The following TBC1D19 variants were observed in gnomAD, a reference collection of about 807,000 sequenced individuals.
The protein encoded by TBC1D19 is TBC1 domain family member 19, also known as TBC1 domain family, member 19.
In TBC1D19, 60 loss-of-function variants were observed where a neutral mutation model predicts 89.0. The observed-to-expected ratio is 0.67, with a 90% CI of 0.55 to 0.84. TBC1D19 has a LOEUF of 0.84. Ranked by LOEUF, TBC1D19 falls within the 40% of genes least tolerant of loss-of-function variation. The pLI, the probability that TBC1D19 is intolerant of heterozygous loss-of-function variation, is 0.00. For missense variants in TBC1D19, 500 were observed against 610.8 expected, an observed-to-expected ratio of 0.82 and a Z score of 1.91; for synonymous variants, 189 against 199.7, an observed-to-expected ratio of 0.95 and a Z score of 0.45.
At chr4:26,627,338 C>T (rs1486114734) in intron 4 of TBC1D19, among the ~76,000 whole-genome samples, 2 of 152,074 alleles carry the variant, frequency 1.3e-5, no homozygotes, top group African/African-American at 2.4e-5. Flanking sequence ...TGAATAGTGG[C>T]GCAATAAACA....
Position 26,676,675 on chromosome 4 carries a change from C to T in TBC1D19, c.816+2787C>T, listed in dbSNP as rs555877709. Among the ~76,000 whole-genome samples the T allele has an allele frequency of 3.3e-4, 49 of 150,266 alleles. No homozygotes were observed. In the East Asian group the frequency reaches 5.7e-3, roughly 17 times the overall value. On this transcript the variant is annotated intron_variant, in intron 11 of 20. Transcript: ENST00000264866. ...CAGAGCTTGCAGTGAGCAGAGATCG[C>T]GCCACTGCACTCCAGCCTGGGCAGC...
At chr4:26,783,476 C>T in the TBC1D19 span, among the ~76,000 whole-genome samples, 1 of 152,030 alleles carries the variant, frequency 6.6e-6, no homozygotes, top group Admixed American at 6.6e-5. Flanking sequence ...TTGAAGGTCT[C>T]CTGAAAAACG....
In TBC1D19 at chr4:26,718,021, A is replaced by C. The variant is rs1158132149; in HGVS notation, c.1039+4A>C. 8 of 1,597,278 alleles carry C rather than the reference A, an allele frequency of 5.0e-6. No homozygotes were observed. Among genetic ancestry groups the C allele is most frequent in the Non-Finnish European group, 6.9e-6 (8 of 1,167,184 alleles). The stretch of plus-strand genomic sequence containing the variant: ...CCACCAAAATCATACATAAGAGGTA[A>C]ATTTTTAATAATTTTAAGGAAGTAT... On this transcript the variant is annotated splice_donor_region_variant and intron_variant, in intron 14 of 20. Transcript: ENST00000264866.
At chr4:26,736,577 G>A (rs115749877) in intron 16 of TBC1D19, among the ~76,000 whole-genome samples, 1 of 152,132 alleles carries the variant, frequency 6.6e-6, no homozygotes, top group Admixed American at 6.5e-5. Context: ...AAATGGTCCT[G>A]TGGTTTACCA....
At chr4:26,833,431 T>C in the TBC1D19 span, among the ~76,000 whole-genome samples, 1 of 152,182 alleles carries the variant, frequency 6.6e-6, no homozygotes, top group Non-Finnish European at 1.5e-5. Flanking sequence ...ACACAAAAAT[T>C]CCCTTGCACT....
intron 11 of TBC1D19, 97 bp from the exon 12 acceptor site, chr4:26,683,578 C>A: frequency 2.2e-6 from 2 of 913,620 alleles, no homozygotes; most frequent in South Asian, 1.6e-5. Flanking sequence ...GAGTTCCTGC[C>A]CTTCTTAGTG....
the TBC1D19 span, among the ~76,000 whole-genome samples, chr4:26,813,191 C>CA: frequency 1.3e-5 from 2 of 152,018 alleles, no homozygotes; most frequent in Non-Finnish European, 2.9e-5. Context: ...AGGCTCGCTG[C>CA]AGAGACCTGA....
chr4:26,824,211 G>A, the TBC1D19 span, among the ~76,000 whole-genome samples: 5 of 152,214 alleles, frequency 3.3e-5, no homozygotes, highest in African/African-American at 7.2e-5. Context: ...GAACAAAGAC[G>A]AGAGATAAAG....
At chr4:26,589,512 T>C (rs1205757748) in intron 1 of TBC1D19, among the ~76,000 whole-genome samples, 1 of 152,280 alleles carries the variant, frequency 6.6e-6, no homozygotes, top group East Asian at 1.9e-4. Flanking sequence ...GCAGGAGTCA[T>C]CTGTTTTTCT....
At chr4:26,709,544 G>C (rs1457116228) in intron 13 of TBC1D19, among the ~76,000 whole-genome samples, 1 of 151,952 alleles carries the variant, frequency 6.6e-6, no homozygotes, top group African/African-American at 2.4e-5. Flanking sequence ...TGGAGGATGG[G>C]GTGCTTTTTT....
chr4:26,646,487 A>T (rs1471100185), intron 7 of TBC1D19, among the ~76,000 whole-genome samples: 1 of 152,246 alleles, frequency 6.6e-6, no homozygotes, highest in African/African-American at 2.4e-5. Context: ...ATTGTAAATC[A>T]TGCCACTATA....
intron 11 of TBC1D19, among the ~76,000 whole-genome samples, chr4:26,677,856 A>G (rs1712974881): frequency 1.3e-5 from 2 of 151,998 alleles, no homozygotes; most frequent in Admixed American, 1.3e-4. Flanking sequence ...TATGATTGTA[A>G]ATTTCCTGAG....
At chr4:26,797,269 A>T in the TBC1D19 span, among the ~76,000 whole-genome samples, 1 of 152,112 alleles carries the variant, frequency 6.6e-6, no homozygotes, top group Non-Finnish European at 1.5e-5. Flanking sequence ...TCAATAACTC[A>T]ATCCAAAAAA....
chr4:26,751,114 T>C lies in TBC1D19; in HGVS notation c.1435+2588T>C, dbSNP rs755122636. Among the ~76,000 whole-genome samples the C allele has an allele frequency of 4.6e-5, 7 of 152,316 alleles. No homozygotes were observed. The South Asian group carries it at 1.2e-3, about 27-fold the overall frequency. ...TCCCAAAGTGTAGACCTTTCCTCCCTGGCAAACAAACCTGTTCTGTGGAAG... is the reference window on the plus strand; with the variant it reads ...TCCCAAAGTGTAGACCTTTCCTCCCCGGCAAACAAACCTGTTCTGTGGAAG... On this transcript the variant is annotated intron_variant, in intron 19 of 20. Coordinates refer to ENST00000264866, the MANE Select transcript of TBC1D19 (RefSeq NM_018317.4).
intron 8 of TBC1D19, 150 bp downstream of exon 8, chr4:26,659,857 TAG>T (rs1247016144): frequency 2.1e-6 from 1 of 466,316 alleles, no homozygotes; most frequent in Non-Finnish European, 3.7e-6. Flanking sequence ...AATATGTATA[TAG>T]AGAGAGCAAG....
At chr4:26,774,983 T>A in the TBC1D19 span, among the ~76,000 whole-genome samples, 1 of 152,226 alleles carries the variant, frequency 6.6e-6, no homozygotes, top group Middle Eastern at 3.2e-3. Context: ...AGAGTTTTTT[T>A]ATTAGGAACT....
At chr4:26,695,437 A>G (rs954052969) in intron 13 of TBC1D19, among the ~76,000 whole-genome samples, 7 of 152,244 alleles carry the variant, frequency 4.6e-5, no homozygotes, top group African/African-American at 1.7e-4. Context: ...AACACCCTGC[A>G]GGATATTATC....
the TBC1D19 span, among the ~76,000 whole-genome samples, chr4:26,804,060 A>T: frequency 5.3e-5 from 8 of 152,028 alleles, no homozygotes; most frequent in African/African-American, 1.9e-4. Context: ...CTCCTTAAAA[A>T]TAAAGAAAAC....
intron 4 of TBC1D19, among the ~76,000 whole-genome samples, chr4:26,634,334 A>G (rs1326039648): frequency 6.6e-6 from 1 of 152,088 alleles, no homozygotes; most frequent in East Asian, 1.9e-4. Context: ...GGCATTATTC[A>G]GGGGCAATAT....
Sources: allele counts gnomAD v4.1 joint callset (sites outside exome capture counted in the v4.1 genomes callset), GRCh38; gene constraint gnomAD v4.1.1; transcripts MANE v1.5; gene names NCBI Gene and HGNC (gene_info 2026-07-23, HGNC 2026-07-21).